Variants in ERBB2 observed in about 807,000 individuals in gnomAD.
The protein encoded by ERBB2 is receptor tyrosine-protein kinase erbB-2.
In ERBB2, 61 loss-of-function variants were observed where a neutral mutation model predicts 149.0. That is an observed-to-expected ratio of 0.41 (90% confidence interval 0.33 to 0.51). The LOEUF is 0.51. Ranked by LOEUF, ERBB2 falls within the 20% of genes least tolerant of loss-of-function variation. The pLI, the probability that ERBB2 is intolerant of heterozygous loss-of-function variation, is 0.25. For synonymous variants in ERBB2, 633 were observed against 678.8 expected (o/e 0.93, Z 1.05); for missense variants, 1,205 against 1,655.1 (o/e 0.73, Z 4.72).
In ERBB2 at chr17:39,716,532, T is replaced by C. The variant is rs2145686292; in HGVS notation, c.1664T>C (p.Val555Ala). 6.2e-7 allele frequency: 1 copy of C among 1,614,060 alleles called. No homozygotes were observed. Among genetic ancestry groups the C allele is most frequent in the South Asian group, 1.1e-5 (1 of 91,076 alleles). ...TCTCTCAGGCTCCCCAGGGAGTATG[T>C]GAATGCCAGGCACTGTTTGCCGTGC... ...RVLQGLPREYVNARHCLPCHP... is the reference protein window; with the variant it reads ...RVLQGLPREYANARHCLPCHP... Residue 555 changes from valine to alanine, a missense_variant, in exon 14 of 27, where the codon GTG (valine) becomes GCG (alanine). By Grantham distance (64) the Val-to-Ala change is moderately conservative. This residue lies in a region of ERBB2 where 569 missense variants were observed against 803.5 expected (regional missense o/e 0.71). Transcript: ENST00000269571.
At chr17:39,694,113 G>A (rs1422260075), upstream of ERBB2, among the ~76,000 whole-genome samples, 1 of 134,934 alleles carries the variant, frequency 7.4e-6, no homozygotes, top group Non-Finnish European at 1.5e-5. Context: ...AGAATCACTC[G>A]AATCCGGGAC....
rs903948508 is a variant in ERBB2, at chr17:39,727,630, G to T, written c.3413-59G>T. ...CCAGGGTCCACTGTGGGGGCAGAGG[G>T]AGTGGCAGAGACACCGGGGTTCCTT... is the stretch of plus-strand genomic sequence containing the variant. On this transcript the variant is annotated intron_variant, in intron 26 of 26. Transcript: ENST00000269571. This position sits in a 1 kb window ranked among gnomAD's most constrained non-coding sequence, Gnocchi z 4.3. The T allele has an allele frequency of 1.0e-5, 16 of 1,556,020 alleles. No homozygotes were observed. In the African/African-American group the frequency reaches 1.8e-4, roughly 18 times the overall value.
Position 39,723,733 on chromosome 17 carries a change from C to A in ERBB2, c.2208+73C>A. On this transcript the variant is annotated intron_variant, in intron 18 of 26. Coordinates refer to ENST00000269571, the MANE Select transcript of ERBB2 (RefSeq NM_004448.4). This position sits in a 1 kb window ranked among gnomAD's most constrained non-coding sequence, Gnocchi z 6.2. The stretch of plus-strand genomic sequence containing the variant: ...GCCTGGAGGGGTGTGGTCGGCAGTT[C>A]TGATGGGAGGGGCAAGAGCTGGAGG... The A allele has an allele frequency of 6.4e-7, 1 of 1,556,220 alleles. No individual in the cohort carries two copies. Among genetic ancestry groups the A allele is most frequent in the Non-Finnish European group, 8.7e-7 (1 of 1,148,612 alleles).
Position 39,712,419 on chromosome 17 carries a change from C to T in ERBB2, c.1119C>T (p.Ser373=), listed in dbSNP as rs2145579201. Residue 373 remains serine (S), a synonymous_variant, in exon 9 of 27, where the codon AGC becomes AGT. Coordinates refer to ENST00000269571, the MANE Select transcript of ERBB2 (RefSeq NM_004448.4). ...CTGGCTGCAAGAAGATCTTTGGGAG[C>T]CTGGCATTTCTGCCGGAGAGCTTTG... ...EFAGCKKIFG[S]LAFLPESFDG... 3.7e-6 allele frequency: 6 copies of T among 1,613,942 alleles called. No individual in the cohort carries two copies. Among genetic ancestry groups the T allele is most frequent in the Non-Finnish European group, 5.1e-6 (6 of 1,179,982 alleles).
At position 39,725,926 on chromosome 17, in the gene ERBB2, T is replaced by C. The variant is rs1368774897; in HGVS notation, c.2872+73T>C. 1 of 1,526,282 alleles carries C rather than the reference T, an allele frequency of 6.6e-7. No individual in the cohort carries two copies. The highest frequency in any genetic ancestry group is 1.4e-5 in the African/African-American group (1 of 72,292). 94.5% of individuals were successfully genotyped at this position (1,526,282 alleles called of 1,614,324 possible). Reference sequence around the variant, plus strand: ...TGGGTGGAGGAGCCCACAAGGGGCATGAAAGGGGACCAGGATGTATGTAGA... The same window carrying C: ...TGGGTGGAGGAGCCCACAAGGGGCACGAAAGGGGACCAGGATGTATGTAGA... On this transcript the variant is annotated intron_variant, in intron 23 of 26. Transcript: ENST00000269571. This position sits in a 1 kb window ranked among gnomAD's most constrained non-coding sequence, Gnocchi z 4.6.
upstream of ERBB2, among the ~76,000 whole-genome samples, chr17:39,691,934 CATATATAT>C (rs57592884): frequency 1.7e-5 from 2 of 120,884 alleles, no homozygotes; most frequent in Non-Finnish European, 3.3e-5. Context: ...TATACATATA[CATATATAT>C]ATATATATAT....
intron 12 of ERBB2, 125 bp from the exon 13 acceptor site, chr17:39,716,176 C>A: frequency 9.0e-7 from 1 of 1,110,270 alleles, no homozygotes; most frequent in Non-Finnish European, 1.3e-6. Context: ...TCTTCCTCTC[C>A]CTACATCGGC....
chr17:39,700,819 GGT>G (rs144837026), intron 1 of ERBB2, among the ~76,000 whole-genome samples: 2 of 150,980 alleles, frequency 1.3e-5, no homozygotes, highest in Non-Finnish European at 3.0e-5. Flanking sequence ...GGCGGGGTCG[GGT>G]GTGTGTGTGT....
chr17:39,722,007 C>T (rs2059480128), intron 16 of ERBB2, among the ~76,000 whole-genome samples: 1 of 152,106 alleles, frequency 6.6e-6, no homozygotes. Context: ...CAACCTCCAC[C>T]TCTCAGGTTC....
At chr17:39,689,900 CAAAAAAAAAA>C (rs77805136) in intron 2 of ERBB2, among the ~76,000 whole-genome samples, 1 of 47,470 alleles carries the variant, frequency 2.1e-5, no homozygotes, top group Non-Finnish European at 4.3e-5. Context: ...GAGCGAAACT[CAAAAAAAAAA>C]AAAAAAAGAA....
chr17:39,726,493 G>A lies in ERBB2; in HGVS notation c.2873-69G>A, dbSNP rs754448493. ...GACTGTCTAGACCAGACTGGAGGGG[G>A]AGTGGGAGGGGAGAGGCAGCAAGCA... On this transcript the variant is annotated intron_variant, in intron 23 of 26. Transcript: ENST00000269571. This position sits in a 1 kb window ranked among gnomAD's most constrained non-coding sequence, Gnocchi z 5.1. 5 of 1,294,826 alleles carry A rather than the reference G, an allele frequency of 3.9e-6. No individual in the cohort carries two copies. Among genetic ancestry groups the A allele is most frequent in the Admixed American group, 1.7e-5 (1 of 57,818 alleles). 80.2% of individuals were successfully genotyped at this position (1,294,826 alleles called of 1,614,324 possible). A position where few individuals can be genotyped will look rare whatever the true frequency, so the allele number is the denominator to read the frequency against.
intron 1 of ERBB2, chr17:39,706,613 G>C (rs192751816): frequency 5.7e-6 from 1 of 174,350 alleles, no homozygotes; most frequent in East Asian, 1.5e-4. Flanking sequence ...TTCATGATTC[G>C]TCATCGCCTC....
chr17:39,690,449 C>G (rs1359603664), upstream of ERBB2, among the ~76,000 whole-genome samples: 3 of 152,170 alleles, frequency 2.0e-5, no homozygotes, highest in African/African-American at 7.2e-5. Flanking sequence ...TTGTTCGGGT[C>G]TAAAGTATTT....
chr17:39,708,100 G>T, intron 2 of ERBB2: 2 of 486,268 alleles, frequency 4.1e-6, no homozygotes, highest in South Asian at 3.7e-5. Context: ...CGGAGTTTAT[G>T]AAATGCCCCC....
chr17:39,728,074 A>C lies in ERBB2; in HGVS notation c.*30A>C. 1.0e-5 allele frequency: 15 copies of C among 1,489,738 alleles called. No individual in the cohort carries two copies. The highest frequency in any genetic ancestry group is 1.3e-5 in the Non-Finnish European group (14 of 1,099,162). 92.3% of individuals were successfully genotyped at this position (1,489,738 alleles called of 1,614,324 possible). A position where few individuals can be genotyped will look rare whatever the true frequency, so the allele number is the denominator to read the frequency against. ...GAAGGCCAAGTCCGCAGAAGCCCTGATGTGTCCTCAGGGAGCAGGGAAGGC... is the reference window on the plus strand; with the variant it reads ...GAAGGCCAAGTCCGCAGAAGCCCTGCTGTGTCCTCAGGGAGCAGGGAAGGC... On this transcript the variant is annotated 3_prime_UTR_variant, in exon 27 of 27. Transcript: ENST00000269571.
intron 12 of ERBB2, 44 bp from the exon 13 acceptor site, chr17:39,716,257 G>T (rs772527717): frequency 6.6e-7 from 1 of 1,523,460 alleles, no homozygotes; most frequent in Non-Finnish European, 8.8e-7. Flanking sequence ...TGGACCTGGG[G>T]CCTCCCCTAA....
Position 39,709,447 on chromosome 17 carries a change from G to C in ERBB2, c.569G>C (p.Arg190Pro), listed in dbSNP as rs531563820. The part of the protein sequence containing the change: ...ALTLIDTNRS[R>P]ACHPCSPMCK... Reference sequence around the variant, plus strand: ...ACACTGATAGACACCAACCGCTCTCGGGCCTGTAAGCCATGCCCCTCCCTG... The same window carrying C: ...ACACTGATAGACACCAACCGCTCTCCGGCCTGTAAGCCATGCCCCTCCCTG... The change falls in exon 4 of 27, where the codon CGG becomes CCG. Residue 190 changes from arginine (R) to proline (P), a missense_variant. Coordinates refer to ENST00000269571, the MANE Select transcript of ERBB2 (RefSeq NM_004448.4). The C allele has an allele frequency of 3.5e-5, 56 of 1,613,834 alleles. No individual in the cohort carries two copies. Among genetic ancestry groups the C allele is most frequent in the Non-Finnish European group, 4.5e-5 (53 of 1,179,986 alleles).
At chr17:39,722,819 C>T (rs1046288241) in intron 16 of ERBB2, among the ~76,000 whole-genome samples, 21 of 151,900 alleles carry the variant, frequency 1.4e-4, no homozygotes, top group African/African-American at 4.1e-4. Context: ...CGGGTTCAAG[C>T]GATTCTCCTG....
chr17:39,710,980 A>G (rs1250276579), intron 7 of ERBB2, among the ~76,000 whole-genome samples: 3 of 152,058 alleles, frequency 2.0e-5, no homozygotes, highest in Non-Finnish European at 4.4e-5. Flanking sequence ...GCTCACTGCA[A>G]CCTCCGCCTC....
Sources: allele counts gnomAD v4.1 joint callset (sites outside exome capture counted in the v4.1 genomes callset), GRCh38; gene constraint gnomAD v4.1.1; regional missense constraint gnomAD v4.1.1; non-coding constraint Gnocchi (gnomAD v3.1); transcripts MANE v1.5; gene names NCBI Gene and HGNC (gene_info 2026-07-23, HGNC 2026-07-21).